Variants in IMPA2 observed in about 807,000 individuals in gnomAD.
IMPA2 encodes the protein inositol monophosphatase 2.
A neutral mutation model predicts 35.1 loss-of-function variants in IMPA2; 32 were observed. The observed-to-expected ratio is 0.91, with a 90% confidence interval of 0.69 to 1.23. IMPA2 has a LOEUF of 1.23. IMPA2 is among the 50% of genes most tolerant of loss of function. The pLI is 0.00. For synonymous variants in IMPA2, 135 were observed against 160.6 expected, an observed-to-expected ratio of 0.84 and a Z score of 1.20; for missense variants, 334 against 387.6, an observed-to-expected ratio of 0.86 and a Z score of 1.16.
At chr18:11,988,984 G>A (rs1906738166) in intron 1 of IMPA2, among the ~76,000 whole-genome samples, 1 of 152,154 alleles carries the variant, frequency 6.6e-6, no homozygotes, top group Non-Finnish European at 1.5e-5. Context: ...ACCATGCCTG[G>A]ATAATATGTA....
intron 2 of IMPA2, among the ~76,000 whole-genome samples, chr18:12,006,809 C>T (rs1424136914): frequency 1.3e-5 from 2 of 152,076 alleles, no homozygotes; most frequent in Non-Finnish European, 2.9e-5. Flanking sequence ...AGGGTGGTTA[C>T]AGTGTGTATG....
chr18:11,999,759 C>G (rs955078105), intron 2 of IMPA2, among the ~76,000 whole-genome samples: 1 of 152,396 alleles, frequency 6.6e-6, no homozygotes, highest in East Asian at 1.9e-4. Flanking sequence ...ATGAGCACCT[C>G]TTAACCTTTT....
intron 1 of IMPA2, among the ~76,000 whole-genome samples, chr18:11,985,204 A>G (rs1002387778): frequency 6.6e-6 from 1 of 151,902 alleles, no homozygotes; most frequent in Non-Finnish European, 1.5e-5. Flanking sequence ...AAACTTAGAT[A>G]TAAAAGTTAT....
chr18:12,028,665 G>C, intron 6 of IMPA2, 177 bp from the exon 7 acceptor site: 1 of 702,882 alleles, frequency 1.4e-6, no homozygotes, highest in Non-Finnish European at 2.4e-6. Flanking sequence ...TCTGGCGGAG[G>C]CCTGTTGGTT....
At chr18:11,982,908 C>A (rs1229877371) in intron 1 of IMPA2, among the ~76,000 whole-genome samples, 1 of 151,978 alleles carries the variant, frequency 6.6e-6, no homozygotes, top group African/African-American at 2.4e-5. Context: ...GTCTGACAGT[C>A]CGAAAATGCT....
chr18:12,005,328 A>G (rs145486770), intron 2 of IMPA2, among the ~76,000 whole-genome samples: 1 of 152,248 alleles, frequency 6.6e-6, no homozygotes, highest in Non-Finnish European at 1.5e-5. Context: ...AAAAAATGTG[A>G]GGCAGAGTTA....
intron 5 of IMPA2, among the ~76,000 whole-genome samples, chr18:12,018,960 AC>A (rs1391395958): frequency 2.6e-5 from 4 of 152,094 alleles, no homozygotes; most frequent in African/African-American, 7.2e-5. Flanking sequence ...AGTAGCTAGG[AC>A]TACAGGTGCT....
intron 2 of IMPA2, among the ~76,000 whole-genome samples, chr18:12,007,071 A>T (rs879818224): frequency 2.0e-5 from 3 of 152,224 alleles, no homozygotes; most frequent in Non-Finnish European, 4.4e-5. Context: ...CAGAGGTTGC[A>T]GTGAGCTGAG....
At position 12,009,929 on chromosome 18, in the gene IMPA2, A is replaced by C; in HGVS notation, c.277A>C (p.Thr93Pro). The C allele has an allele frequency of 6.2e-7, 1 of 1,614,094 alleles. No homozygotes were observed. The highest frequency in any genetic ancestry group is 8.5e-7 in the Non-Finnish European group (1 of 1,180,024). Residue 93 changes from threonine (T) to proline (P), a missense_variant, in exon 3 of 8, where the codon ACC becomes CCC. Physicochemically the swap from Thr to Pro is conservative, Grantham distance 38 (BLOSUM62 -1). Coordinates refer to ENST00000269159, the MANE Select transcript of IMPA2 (RefSeq NM_014214.3). ...GGCTTCTGGGGCCAAGTGTGTGCTC[A>C]CCCACAGCCCGACGTGGATCATCGA... is the stretch of plus-strand genomic sequence containing the variant. ...AAASGAKCVL[T>P]HSPTWIIDPI...
At chr18:12,019,018 G>T (rs906441136) in intron 5 of IMPA2, among the ~76,000 whole-genome samples, 5 of 151,866 alleles carry the variant, frequency 3.3e-5, no homozygotes, top group Non-Finnish European at 5.9e-5. Flanking sequence ...TAGAGACAGG[G>T]TCTCGATAGG....
At chr18:11,983,468 AT>A (rs1297021580) in intron 1 of IMPA2, among the ~76,000 whole-genome samples, 3 of 152,208 alleles carry the variant, frequency 2.0e-5, no homozygotes, top group African/African-American at 7.2e-5. Flanking sequence ...TGGTTTTCAA[AT>A]TTAGATCCTT....
intron 5 of IMPA2, among the ~76,000 whole-genome samples, chr18:12,019,252 G>T (rs1359543800): frequency 6.6e-6 from 1 of 151,746 alleles, no homozygotes; most frequent in East Asian, 1.9e-4. Context: ...AACTCAAAAA[G>T]TAGCAATTTT....
chr18:11,992,670 T>C (rs1261780577), intron 1 of IMPA2, among the ~76,000 whole-genome samples: 5 of 152,192 alleles, frequency 3.3e-5, no homozygotes, highest in Non-Finnish European at 5.9e-5. Flanking sequence ...AGTGCATGCT[T>C]AGTTAGCGAG....
At chr18:11,988,451 CAG>C (rs1394101032) in intron 1 of IMPA2, among the ~76,000 whole-genome samples, 1 of 152,150 alleles carries the variant, frequency 6.6e-6, no homozygotes, top group Admixed American at 6.6e-5. Flanking sequence ...AGGTTTGGGG[CAG>C]AGTCTTGTGT....
intron 1 of IMPA2, among the ~76,000 whole-genome samples, chr18:11,997,263 T>C (rs1206605056): frequency 6.6e-6 from 1 of 151,868 alleles, no homozygotes; most frequent in Admixed American, 6.6e-5. Flanking sequence ...TTGTTGAGAG[T>C]CCTGTGTGCA....
chr18:11,993,148 T>A (rs1906864027), intron 1 of IMPA2, among the ~76,000 whole-genome samples: 1 of 152,198 alleles, frequency 6.6e-6, no homozygotes, highest in African/African-American at 2.4e-5. Context: ...CCTCATGTGA[T>A]TCCTAAAACA....
Position 12,030,740 on chromosome 18 carries a change from G to C in IMPA2, c.*282G>C, listed in dbSNP as rs991339571. 12 of 387,120 alleles carry C rather than the reference G, an allele frequency of 3.1e-5. No individual in the cohort carries two copies. The highest frequency in any genetic ancestry group is 9.4e-6 in the Non-Finnish European group (2 of 213,100). 24.0% of individuals were successfully genotyped at this position (387,120 alleles called of 1,614,324 possible). ...AAAACTCAAATCTCCTGTGAAATAC[G>C]TATTGATAATCCAATCTTGATTTTT... On this transcript the variant is annotated 3_prime_UTR_variant, in exon 8 of 8. Transcript: ENST00000269159.
intron 5 of IMPA2, among the ~76,000 whole-genome samples, chr18:12,020,299 T>C (rs1053282605): frequency 6.6e-6 from 1 of 152,072 alleles, no homozygotes; most frequent in African/African-American, 2.4e-5. Context: ...GTTTAAGTGA[T>C]TCTCCTGCTT....
intron 6 of IMPA2, 35 bp downstream of exon 6, chr18:12,028,186 CGAG>C (rs1453888273): frequency 7.3e-7 from 1 of 1,374,918 alleles, no homozygotes; most frequent in Non-Finnish European, 1.0e-6. Context: ...CCCTGCAGCC[CGAG>C]GAGGAAGAAC....
Sources: allele counts gnomAD v4.1 joint callset (sites outside exome capture counted in the v4.1 genomes callset), GRCh38; gene constraint gnomAD v4.1.1; transcripts MANE v1.5; gene names NCBI Gene and HGNC (gene_info 2026-07-23, HGNC 2026-07-21).